COL24A1: variants seen among roughly 807,000 people sequenced by gnomAD.
COL24A1 encodes collagen type XXIV alpha 1 chain.
Under a neutral mutation model 253.9 loss-of-function variants are expected in COL24A1, and 224 were observed. The ratio of observed to expected loss-of-function variants is 0.88; its 90% CI spans 0.79 to 0.99. COL24A1 has a LOEUF of 0.99. Among genes scored for constraint, COL24A1 ranks in the 50% least tolerant of loss-of-function variants. The pLI, the probability that COL24A1 is intolerant of heterozygous loss-of-function variation, is 0.00. For missense variants in COL24A1, 2,131 were observed against 2,068.5 expected, an observed-to-expected ratio of 1.03 and a Z score of -0.59; for synonymous variants, 685 against 673.7, an observed-to-expected ratio of 1.02 and a Z score of -0.26.
intron 59 of COL24A1, among the ~76,000 whole-genome samples, chr1:85,733,895 A>G (rs1557920207): frequency 7.2e-6 from 1 of 138,662 alleles, no homozygotes; most frequent in Non-Finnish European, 1.5e-5. Flanking sequence ...TATTTAATTT[A>G]ATTTAATTTA....
intron 24 of COL24A1, among the ~76,000 whole-genome samples, chr1:85,947,894 T>C (rs1272693762): frequency 6.6e-6 from 1 of 152,254 alleles, no homozygotes; most frequent in Non-Finnish European, 1.5e-5. Flanking sequence ...CAGCCATGCA[T>C]GTATGCTATA....
In COL24A1 at chr1:86,126,239, G is replaced by A. The variant is rs770170254; in HGVS notation, c.122-25C>T. On this transcript the variant is annotated intron_variant, in intron 2 of 59. Transcript: ENST00000370571. ...CCTGGAAATTTAAAAAAGAGAGAGA[G>A]AAAGAATCTTAATTTTATGGATTCA... is the stretch of plus-strand genomic sequence containing the variant. The A allele has an allele frequency of 1.2e-5, 19 of 1,544,104 alleles. 1 individual carries two copies. In the East Asian group the frequency reaches 1.6e-4, roughly 13 times the overall value.
At chr1:85,893,338 A>C (rs1464543949) in intron 31 of COL24A1, among the ~76,000 whole-genome samples, 2 of 152,166 alleles carry the variant, frequency 1.3e-5, no homozygotes, top group Non-Finnish European at 2.9e-5. Context: ...TAATAATTAT[A>C]AATGTGAATA....
chr1:85,974,630 C>G, intron 20 of COL24A1, among the ~76,000 whole-genome samples: 1 of 152,080 alleles, frequency 6.6e-6, no homozygotes, highest in Non-Finnish European at 1.5e-5. Context: ...AGGAGGTAGA[C>G]ACAATTAGAG....
chr1:85,921,759 C>T (rs535470177), intron 24 of COL24A1, among the ~76,000 whole-genome samples: 80 of 152,144 alleles, frequency 5.3e-4, no homozygotes, highest in Non-Finnish European at 1.1e-3. Context: ...TGCCTCTTCC[C>T]CTCCAAAGGA....
chr1:86,007,043 C>T (rs1029494924), intron 19 of COL24A1, among the ~76,000 whole-genome samples: 1 of 145,758 alleles, frequency 6.9e-6, no homozygotes, highest in African/African-American at 2.7e-5. Context: ...GAGACCTTGT[C>T]TCTACAAATA....
intron 43 of COL24A1, among the ~76,000 whole-genome samples, chr1:85,827,741 G>A (rs1162742115): frequency 2.0e-5 from 3 of 152,004 alleles, no homozygotes; most frequent in Non-Finnish European, 2.9e-5. Flanking sequence ...TCTGATGGTA[G>A]TTTGTATTTC....
chr1:85,825,265 A>G (rs1432134539), intron 43 of COL24A1, among the ~76,000 whole-genome samples: 2 of 151,978 alleles, frequency 1.3e-5, no homozygotes, highest in East Asian at 1.9e-4. Context: ...ATCATTTTTT[A>G]TGGCTGCATA....
intron 24 of COL24A1, among the ~76,000 whole-genome samples, chr1:85,918,079 A>G (rs1355971490): frequency 6.6e-6 from 1 of 150,622 alleles, no homozygotes; most frequent in Admixed American, 6.6e-5. Context: ...GATATCTTTC[A>G]TTGACAAGAA....
rs139181739 is a variant in COL24A1 at position 86,104,165 on chromosome 1, G to A, written c.1599+8402C>T. Among the ~76,000 whole-genome samples the A allele has an allele frequency of 4.6e-4, 70 of 151,740 alleles. 1 individual carries two copies. Among genetic ancestry groups the A allele is most frequent in the African/African-American group, 1.6e-3 (66 of 41,374 alleles). ...AGCTCTGAGATCTTTCTTCGGCTTGGTCTGTTTTAACACATGTGATTGTAT... is the reference window on the plus strand; with the variant it reads ...AGCTCTGAGATCTTTCTTCGGCTTGATCTGTTTTAACACATGTGATTGTAT... On this transcript the variant is annotated intron_variant, in intron 5 of 59. Transcript: ENST00000370571.
intron 10 of COL24A1, among the ~76,000 whole-genome samples, chr1:86,055,316 G>A (rs1376327975): frequency 6.6e-6 from 1 of 152,114 alleles, no homozygotes; most frequent in African/African-American, 2.4e-5. Flanking sequence ...CTACATTTGA[G>A]ACCCTTTATG....
intron 55 of COL24A1, among the ~76,000 whole-genome samples, chr1:85,758,342 G>A (rs61215520): frequency 0.036 from 5,518 of 152,186 alleles, 115 homozygotes; most frequent in Middle Eastern, 0.082. Flanking sequence ...GAATACATCA[G>A]TTGGGAATTC....
chr1:86,090,010 T>A (rs1703375081), intron 6 of COL24A1, among the ~76,000 whole-genome samples: 1 of 152,200 alleles, frequency 6.6e-6, no homozygotes, highest in Non-Finnish European at 1.5e-5. Flanking sequence ...CAGGAGGCAC[T>A]TCCGCTTCTG....
At chr1:86,075,457 C>A (rs542943697) in intron 7 of COL24A1, among the ~76,000 whole-genome samples, 2 of 152,082 alleles carry the variant, frequency 1.3e-5, no homozygotes, top group Non-Finnish European at 2.9e-5. Flanking sequence ...CGAATTGTAA[C>A]AGAGGTACAA....
chr1:85,945,459 T>C (rs1689246620), intron 24 of COL24A1, among the ~76,000 whole-genome samples: 1 of 151,644 alleles, frequency 6.6e-6, no homozygotes, highest in Non-Finnish European at 1.5e-5. Flanking sequence ...ACCTTGAGTG[T>C]GGTTTTGTAT....
Position 85,841,999 on chromosome 1 carries a change from A to C in COL24A1, c.3570+69T>G, listed in dbSNP as rs72952540. On this transcript the variant is annotated intron_variant, in intron 41 of 59. Transcript: ENST00000370571. ...TTATTCCTTGAAAATTTTTCCATGC[A>C]GTCTTTCAGGAATAATTCATGAACT... The C allele has an allele frequency of 2.0e-3, 2,737 of 1,350,448 alleles. 44 individuals carry two copies. The African/African-American group carries it at 0.035, about 17-fold the overall frequency. 83.7% of individuals were successfully genotyped at this position (1,350,448 alleles called of 1,614,324 possible).
At chr1:85,816,576 C>T (rs1201057532) in intron 47 of COL24A1, among the ~76,000 whole-genome samples, 1 of 152,146 alleles carries the variant, frequency 6.6e-6, no homozygotes, top group Non-Finnish European at 1.5e-5. Flanking sequence ...ATTATTAACA[C>T]TATGAGTTAT....
chr1:85,858,648 C>CTTCCTTCCT (rs1678761623), intron 37 of COL24A1, among the ~76,000 whole-genome samples: 2 of 148,662 alleles, frequency 1.3e-5, no homozygotes, highest in Non-Finnish European at 3.0e-5. Context: ...TCCTTCCTTC[C>CTTCCTTCCT]TTCCTTCCTT....
chr1:86,078,445 T>G lies in COL24A1; in HGVS notation c.1707+10729A>C, dbSNP rs369113364. Among the ~76,000 whole-genome samples, 26 of 152,088 alleles carry G rather than the reference T, an allele frequency of 1.7e-4. No individual in the cohort carries two copies. In the East Asian group the frequency reaches 2.5e-3, roughly 15 times the overall value. ...CTGTTATTCAACATAGTACTGAAAA[T>G]CTTAACTAGAGCAATCAGACAACAG... On this transcript the variant is annotated intron_variant, in intron 7 of 59. Coordinates refer to ENST00000370571, the MANE Select transcript of COL24A1 (RefSeq NM_152890.7).
Sources: allele counts gnomAD v4.1 joint callset (sites outside exome capture counted in the v4.1 genomes callset), GRCh38; gene constraint gnomAD v4.1.1; transcripts MANE v1.5; gene names NCBI Gene and HGNC (gene_info 2026-07-23, HGNC 2026-07-21).